ZEB1: variants seen among roughly 807,000 people sequenced by gnomAD.
ZEB1 encodes zinc finger E-box binding homeobox 1, also known as zinc finger E-box-binding homeobox 1.
Under a neutral mutation model 84.9 loss-of-function variants are expected in ZEB1, and 21 were observed. That is an observed-to-expected ratio of 0.25 (90% confidence interval 0.18 to 0.36). The LOEUF (loss-of-function observed/expected upper bound fraction) is 0.36, where lower values mean the gene tolerates loss of function less well. ZEB1 is among the 10% of genes least tolerant of loss of function. The pLI is 1.00. For synonymous variants in ZEB1, 420 were observed against 471.1 expected (o/e 0.89, Z 1.41); for missense variants, 1,104 against 1,330.2 (o/e 0.83, Z 2.65).
rs370082283 is a variant in ZEB1, at chr10:31,352,461, C to G, written c.58+33169C>G. Among the ~76,000 whole-genome samples the G allele has an allele frequency of 3.0e-4, 46 of 152,300 alleles. 2 individuals are homozygous for G. In the South Asian group the frequency reaches 8.7e-3, roughly 29 times the overall value. ...TTTCACTTCATTAGTAGCTGCATGA[C>G]AAGCCACCCCAAAGTTTAATGGCTT... On this transcript the variant is annotated intron_variant, in intron 1 of 8. Transcript: ENST00000424869.
intron 1 of ZEB1, among the ~76,000 whole-genome samples, chr10:31,375,245 T>C (rs911632041): frequency 5.3e-5 from 8 of 151,986 alleles, no homozygotes; most frequent in African/African-American, 1.9e-4. Flanking sequence ...TATTCTGATT[T>C]GAAGATCTCA....
intron 1 of ZEB1, among the ~76,000 whole-genome samples, chr10:31,447,453 CATT>C (rs1373641969): frequency 1.6e-5 from 2 of 126,730 alleles, no homozygotes; most frequent in African/African-American, 6.2e-5. Flanking sequence ...TTGATCCTGT[CATT>C]ATGATGTTAG....
chr10:31,519,936 T>TA (rs1317099832), intron 6 of ZEB1, among the ~76,000 whole-genome samples, 190 bp from the exon 7 acceptor site: 1 of 152,166 alleles, frequency 6.6e-6, no homozygotes, highest in African/African-American at 2.4e-5. Flanking sequence ...ACCTCAGACT[T>TA]AGTTACTAGC....
chr10:31,357,928 GT>G (rs1395688235), intron 1 of ZEB1, among the ~76,000 whole-genome samples: 1 of 152,096 alleles, frequency 6.6e-6, no homozygotes, highest in Non-Finnish European at 1.5e-5. Context: ...AGGATTGTGT[GT>G]TTCCTCCTTC....
At chr10:31,446,592 C>T (rs540881588) in intron 1 of ZEB1, among the ~76,000 whole-genome samples, 1 of 151,746 alleles carries the variant, frequency 6.6e-6, no homozygotes, top group African/African-American at 2.4e-5. Context: ...GAATGCGTCC[C>T]AGAGATTCTG....
intron 1 of ZEB1, among the ~76,000 whole-genome samples, chr10:31,424,123 A>G (rs2056603983): frequency 6.6e-6 from 1 of 152,010 alleles, no homozygotes; most frequent in East Asian, 1.9e-4. Flanking sequence ...ATTTCATTAC[A>G]ACATTTTACG....
chr10:31,435,155 G>A (rs999990337), intron 1 of ZEB1, among the ~76,000 whole-genome samples: 5 of 152,184 alleles, frequency 3.3e-5, no homozygotes, highest in African/African-American at 1.2e-4. Context: ...AGAATGATGC[G>A]ACATGAGAAA....
intron 1 of ZEB1, among the ~76,000 whole-genome samples, chr10:31,449,984 C>T (rs991087343): frequency 6.6e-6 from 1 of 152,134 alleles, no homozygotes; most frequent in African/African-American, 2.4e-5. Flanking sequence ...GGTGACAAGG[C>T]TAGTAAGCAG....
intron 1 of ZEB1, among the ~76,000 whole-genome samples, chr10:31,344,362 A>G (rs1398311285): frequency 2.6e-5 from 4 of 152,138 alleles, no homozygotes; most frequent in South Asian, 2.1e-4. Context: ...AATTTTGACA[A>G]TTTGTCAACT....
At chr10:31,476,709 ACAAT>A (rs2064253893) in intron 2 of ZEB1, among the ~76,000 whole-genome samples, 1 of 152,150 alleles carries the variant, frequency 6.6e-6, no homozygotes, top group South Asian at 2.1e-4. Context: ...AAAATGTATC[ACAAT>A]CAAGTGTGTT....
intron 2 of ZEB1, among the ~76,000 whole-genome samples, chr10:31,461,950 G>A (rs2061870788): frequency 6.6e-6 from 1 of 152,050 alleles, no homozygotes; most frequent in South Asian, 2.1e-4. Context: ...ATAAAAATGG[G>A]ATATGGAAGT....
At chr10:31,427,165 C>T (rs1000157704) in intron 1 of ZEB1, among the ~76,000 whole-genome samples, 8 of 151,860 alleles carry the variant, frequency 5.3e-5, no homozygotes, top group South Asian at 2.1e-4. Context: ...ATTTCAAAGA[C>T]GTGTAATAGT....
At chr10:31,422,235 G>A (rs1214149712) in intron 1 of ZEB1, among the ~76,000 whole-genome samples, 1 of 152,090 alleles carries the variant, frequency 6.6e-6, no homozygotes, top group African/African-American at 2.4e-5. Context: ...CTTGGCATAG[G>A]GTACGGTAGT....
chr10:31,337,170 G>A (rs868109385), intron 1 of ZEB1, among the ~76,000 whole-genome samples: 3 of 151,938 alleles, frequency 2.0e-5, no homozygotes, highest in African/African-American at 4.8e-5. Context: ...AATAATGTTC[G>A]AACAAAACAA....
chr10:31,378,330 AG>A (rs1372373553), intron 1 of ZEB1, among the ~76,000 whole-genome samples: 1 of 151,556 alleles, frequency 6.6e-6, no homozygotes, highest in Non-Finnish European at 1.5e-5. Flanking sequence ...CATACTCATC[AG>A]AAGTTAGTTG....
upstream of ZEB1, chr10:31,318,935 C>T (rs2032883321): frequency 4.1e-6 from 2 of 482,422 alleles, no homozygotes; most frequent in South Asian, 4.1e-5. Context: ...CTGACCGCGT[C>T]CCTACGGTTT....
chr10:31,426,568 A>T (rs1337979725), intron 1 of ZEB1, among the ~76,000 whole-genome samples: 2 of 152,196 alleles, frequency 1.3e-5, no homozygotes, highest in African/African-American at 4.8e-5. Context: ...CATGTTGTTT[A>T]GGTTTTCCAA....
At chr10:31,404,618 C>A (rs775156622) in intron 1 of ZEB1, among the ~76,000 whole-genome samples, 4 of 152,116 alleles carry the variant, frequency 2.6e-5, no homozygotes, top group Non-Finnish European at 5.9e-5. Flanking sequence ...TTTTATATCT[C>A]CTATTCTTTT....
rs958974977 is a variant in ZEB1 at position 31,435,194 on chromosome 10, G to A, written c.59-25843G>A. ...TCAACTGGCCATTTCTGGCTTTGAA[G>A]ATGGAAGGGGCCATGTGCCAAGGAA... On this transcript the variant is annotated intron_variant, in intron 1 of 8. Coordinates refer to ENST00000424869, the MANE Select transcript of ZEB1 (RefSeq NM_001174096.2). Among the ~76,000 whole-genome samples the A allele has an allele frequency of 2.0e-5, 3 of 152,346 alleles. No individual in the cohort carries two copies. The East Asian group carries it at 5.8e-4, about 29-fold the overall frequency.
Sources: allele counts gnomAD v4.1 joint callset (sites outside exome capture counted in the v4.1 genomes callset), GRCh38; gene constraint gnomAD v4.1.1; transcripts MANE v1.5; gene names NCBI Gene and HGNC (gene_info 2026-07-23, HGNC 2026-07-21).